The following GMDS variants were observed in gnomAD, a reference collection of about 807,000 sequenced individuals.
GMDS encodes GDP-mannose 4,6-dehydratase, also known as GDP-mannose 4,6 dehydratase.
Under a neutral mutation model 49.9 loss-of-function variants are expected in GMDS, and 20 were observed. The ratio of observed to expected loss-of-function variants is 0.40; its 90% CI spans 0.28 to 0.58. GMDS has a LOEUF of 0.58. Ranked by LOEUF, GMDS falls within the 20% of genes least tolerant of loss-of-function variation. GMDS has a pLI of 0.42. For synonymous variants in GMDS, 177 were observed against 178.6 expected (o/e 0.99, Z 0.07); for missense variants, 362 against 481.4 (o/e 0.75, Z 2.32).
intron 4 of GMDS, among the ~76,000 whole-genome samples, chr6:2,055,393 G>C (rs115753187): frequency 1.5e-3 from 226 of 152,216 alleles, no homozygotes; most frequent in Non-Finnish European, 2.5e-3. Context: ...ACATAGGCAT[G>C]TCAGTCAAAT....
In GMDS at chr6:2,016,994, TA is replaced by T. The variant is rs58394128; in HGVS notation, c.346-56029del. 9.7e-3 allele frequency among the ~76,000 whole-genome samples: 1,431 copies of T among 147,848 alleles called. 9 individuals are homozygous for T. The highest frequency in any genetic ancestry group is 0.016 in the Non-Finnish European group (1,063 of 66,756). On this transcript the variant is annotated intron_variant, in intron 4 of 10. Coordinates refer to ENST00000380815, the MANE Select transcript of GMDS (RefSeq NM_001500.4). ...TAATCTAAATTTCATCTTGAGAAGC[TA>T]AAAAAAAAGACAAATCGATCCCCAA...
intron 7 of GMDS, among the ~76,000 whole-genome samples, chr6:1,782,760 A>T (rs186180324): frequency 2.6e-4 from 39 of 152,368 alleles, no homozygotes; most frequent in African/African-American, 7.7e-4. Flanking sequence ...ATTTGACTAA[A>T]TGTCCACTGT....
chr6:2,000,133 C>T lies in GMDS; in HGVS notation c.346-39167G>A, dbSNP rs1300773863. Reference sequence around the variant, plus strand: ...CACTGCAAGCTCCACTTCCCAGGTTCACGCCATTCTCCTGCCTCAGCCTCC... The same window carrying T: ...CACTGCAAGCTCCACTTCCCAGGTTTACGCCATTCTCCTGCCTCAGCCTCC... On this transcript the variant is annotated intron_variant, in intron 4 of 10. Transcript: ENST00000380815. Among the ~76,000 whole-genome samples, 4 of 132,316 alleles carry T rather than the reference C, an allele frequency of 3.0e-5. No individual in the cohort carries two copies. In the South Asian group the frequency reaches 7.6e-4, roughly 25 times the overall value. The allele number at this position is 132,316 out of a possible 152,430, so 86.8% of individuals were successfully genotyped here. A position where few individuals can be genotyped will look rare whatever the true frequency, so the allele number is the denominator to read the frequency against.
At chr6:1,702,615 C>T (rs1250574304) in intron 9 of GMDS, among the ~76,000 whole-genome samples, 1 of 152,200 alleles carries the variant, frequency 6.6e-6, no homozygotes, top group Non-Finnish European at 1.5e-5. Context: ...CTGTGGGTCC[C>T]CCAGCTGTGG....
intron 8 of GMDS, among the ~76,000 whole-genome samples, chr6:1,734,760 T>G (rs1304724969): frequency 6.6e-6 from 1 of 152,254 alleles, no homozygotes; most frequent in African/African-American, 2.4e-5. Flanking sequence ...CAGCCTTTTC[T>G]TATGCTTCAT....
intron 7 of GMDS, among the ~76,000 whole-genome samples, chr6:1,858,497 T>A (rs537696059): frequency 6.6e-6 from 1 of 152,342 alleles, no homozygotes; most frequent in Non-Finnish European, 1.5e-5. Flanking sequence ...GATTTCCATT[T>A]CATTTTTTTC....
chr6:2,132,094 G>A (rs571607727), intron 1 of GMDS, among the ~76,000 whole-genome samples: 129 of 152,286 alleles, frequency 8.5e-4, no homozygotes, highest in African/African-American at 3.0e-3. Context: ...CGATTTTACA[G>A]ATGAGGAATC....
chr6:1,935,753 G>C (rs543311886), intron 6 of GMDS, among the ~76,000 whole-genome samples: 2 of 152,194 alleles, frequency 1.3e-5, no homozygotes, highest in African/African-American at 4.8e-5. Flanking sequence ...CTAAACACTC[G>C]TTGGATTGAG....
At chr6:1,675,019 C>A (rs1038725634) in intron 9 of GMDS, among the ~76,000 whole-genome samples, 7 of 151,978 alleles carry the variant, frequency 4.6e-5, no homozygotes, top group Admixed American at 3.9e-4. Context: ...CTCACTGCAA[C>A]CTCCACCTCC....
chr6:1,982,494 A>G (rs976350460), intron 4 of GMDS, among the ~76,000 whole-genome samples: 1 of 152,212 alleles, frequency 6.6e-6, no homozygotes, highest in Non-Finnish European at 1.5e-5. Flanking sequence ...CCATTGTCTC[A>G]GCCCAAAAAC....
At chr6:1,799,170 T>C (rs987042407) in intron 7 of GMDS, among the ~76,000 whole-genome samples, 1 of 152,072 alleles carries the variant, frequency 6.6e-6, no homozygotes, top group African/African-American at 2.4e-5. Context: ...GAACTGGCCG[T>C]GACGAGGGTG....
intron 9 of GMDS, among the ~76,000 whole-genome samples, chr6:1,685,678 C>G (rs570714953): frequency 1.3e-5 from 2 of 152,158 alleles, no homozygotes; most frequent in Admixed American, 1.3e-4. Flanking sequence ...GCTGGCCGCA[C>G]AGAGCACAGG....
intron 8 of GMDS, among the ~76,000 whole-genome samples, chr6:1,741,485 GAAAATTTTC>G (rs1030127482): frequency 2.0e-5 from 3 of 151,796 alleles, no homozygotes; most frequent in African/African-American, 4.8e-5. Context: ...AAGAAATTTG[GAAAATTTTC>G]CAAATTTCTT....
chr6:2,212,074 T>C (rs571746880), intron 1 of GMDS, among the ~76,000 whole-genome samples: 2 of 152,352 alleles, frequency 1.3e-5, no homozygotes, highest in Non-Finnish European at 2.9e-5. Context: ...TACCTATTTG[T>C]TTTTAATTTA....
chr6:1,994,797 A>G (rs573755282), intron 4 of GMDS, among the ~76,000 whole-genome samples: 5 of 152,262 alleles, frequency 3.3e-5, no homozygotes, highest in East Asian at 1.9e-4. Context: ...CTGCAAAGAC[A>G]CAACATAGTC....
intron 7 of GMDS, among the ~76,000 whole-genome samples, chr6:1,924,704 G>A (rs1285716587): frequency 2.0e-5 from 3 of 152,188 alleles, no homozygotes; most frequent in African/African-American, 7.2e-5. Context: ...ACCCTGAGAA[G>A]TCAGAGGTTC....
intron 7 of GMDS, among the ~76,000 whole-genome samples, chr6:1,908,056 G>C (rs959566166): frequency 7.9e-5 from 12 of 152,146 alleles, no homozygotes; most frequent in African/African-American, 2.9e-4. Context: ...GCCATTATTA[G>C]GTAAAGTAAG....
At chr6:2,126,557 A>C (rs1388397592) in intron 1 of GMDS, among the ~76,000 whole-genome samples, 1 of 152,254 alleles carries the variant, frequency 6.6e-6, no homozygotes, top group African/African-American at 2.4e-5. Context: ...GAAGTCATGC[A>C]TAAATTCAGG....
rs79464746 is a variant in GMDS, at chr6:2,057,126, C to T, written c.345+58645G>A. Among the ~76,000 whole-genome samples, 1,001 of 152,264 alleles carry T rather than the reference C, an allele frequency of 6.6e-3. 10 individuals carry two copies. Among genetic ancestry groups the T allele is most frequent in the African/African-American group, 0.023 (938 of 41,550 alleles). On this transcript the variant is annotated intron_variant, in intron 4 of 10. Transcript: ENST00000380815. The stretch of plus-strand genomic sequence containing the variant: ...CCTCGGTGACAAACACTGAAAGTGC[C>T]TGCTTGGTAATGCCTTCCCAGGCCA...
Sources: gnomAD v4.1 joint callset for allele counts (sites outside exome capture counted in the v4.1 genomes callset) on GRCh38, gnomAD v4.1.1 for gene constraint, MANE v1.5 for transcripts, NCBI Gene and HGNC (gene_info 2026-07-23, HGNC 2026-07-21) for gene names.